EFCAB6: variants seen among roughly 807,000 people sequenced by gnomAD.
EFCAB6 encodes the protein EF-hand calcium binding domain 6, also known as EF-hand calcium-binding domain-containing protein 6.
Under a neutral mutation model 169.8 loss-of-function variants are expected in EFCAB6, and 156 were observed. The ratio of observed to expected loss-of-function variants is 0.92; its 90% CI spans 0.81 to 1.05. The LOEUF (loss-of-function observed/expected upper bound fraction) is 1.05, where lower values mean the gene tolerates loss of function less well. Ranked by LOEUF, EFCAB6 falls within the 50% of genes least tolerant of loss-of-function variation. The pLI is 0.00. For missense variants in EFCAB6, 1,800 were observed against 1,829.1 expected (o/e 0.98, Z 0.29); for synonymous variants, 698 against 676.4 (o/e 1.03, Z -0.50).
chr22:43,585,226 G>A (rs541205494), intron 24 of EFCAB6, among the ~76,000 whole-genome samples: 2 of 152,080 alleles, frequency 1.3e-5, no homozygotes, highest in South Asian at 4.2e-4. Context: ...TAGACAACAT[G>A]CAAGAACAAG....
chr22:43,717,374 A>T (rs1265578626), intron 8 of EFCAB6, among the ~76,000 whole-genome samples: 5 of 141,160 alleles, frequency 3.5e-5, no homozygotes, highest in Non-Finnish European at 1.6e-5. Context: ...TTTGTTTGGT[A>T]AAAAAAAAAA....
At position 43,687,477 on chromosome 22, in the gene EFCAB6, CT is replaced by C; in HGVS notation, c.1135del (p.Arg379GlufsTer30). 1.4e-6 allele frequency: 1 copy of C among 722,276 alleles called. No individual in the cohort carries two copies. The highest frequency in any genetic ancestry group is 3.6e-5 in the South Asian group (1 of 28,028). The allele number at this position is 722,276 out of a possible 1,614,324, so 44.7% of individuals were successfully genotyped here. On this transcript the variant is annotated frameshift_variant, in exon 11 of 32. Coordinates refer to ENST00000262726, the MANE Select transcript of EFCAB6 (RefSeq NM_022785.4). LOFTEE classifies it high-confidence loss of function. ...QVSSKGPLTK[R>X]NSINSRNESH... ...TTTTTTTTTTTTTACATACCTATTT[CT>C]TTTTGTCAGGGGACCTTTACTGCTA...
At chr22:43,721,475 G>A (rs1283486929) in intron 8 of EFCAB6, among the ~76,000 whole-genome samples, 1 of 152,092 alleles carries the variant, frequency 6.6e-6, no homozygotes, top group African/African-American at 2.4e-5. Flanking sequence ...GAAGGCATCA[G>A]TCTACCCAAC....
At chr22:43,533,924 T>A (rs1177501061) in intron 30 of EFCAB6, among the ~76,000 whole-genome samples, 1 of 152,190 alleles carries the variant, frequency 6.6e-6, no homozygotes, top group East Asian at 1.9e-4. Flanking sequence ...GTCCACCTTT[T>A]CTGTGAAGCT....
chr22:43,742,298 G>C (rs2060402627), intron 6 of EFCAB6, among the ~76,000 whole-genome samples: 1 of 152,120 alleles, frequency 6.6e-6, no homozygotes, highest in Non-Finnish European at 1.5e-5. Context: ...AATTGTATTG[G>C]CACACAGCCA....
At chr22:43,767,145 C>T (rs962104822) in intron 4 of EFCAB6, among the ~76,000 whole-genome samples, 5 of 152,246 alleles carry the variant, frequency 3.3e-5, no homozygotes, top group Non-Finnish European at 5.9e-5. Flanking sequence ...TGAATGGCTC[C>T]CAACTCTACA....
chr22:43,768,291 C>T (rs1462431138), intron 4 of EFCAB6, among the ~76,000 whole-genome samples: 1 of 152,248 alleles, frequency 6.6e-6, no homozygotes, highest in Non-Finnish European at 1.5e-5. Flanking sequence ...GACACTCAAA[C>T]ATTCCTGACA....
chr22:43,696,628 G>C (rs1333850708), intron 10 of EFCAB6, among the ~76,000 whole-genome samples: 1 of 152,124 alleles, frequency 6.6e-6, no homozygotes, highest in Non-Finnish European at 1.5e-5. Flanking sequence ...GAAAATTAAT[G>C]GGATGTTGAG....
chr22:43,646,822 G>A (rs755859530), intron 17 of EFCAB6, among the ~76,000 whole-genome samples: 50 of 152,190 alleles, frequency 3.3e-4, no homozygotes, highest in Non-Finnish European at 5.1e-4. Context: ...TCTACCCAAA[G>A]TTGGCAAACA....
intron 23 of EFCAB6, among the ~76,000 whole-genome samples, chr22:43,594,320 T>G (rs2147455545): frequency 6.6e-6 from 1 of 150,678 alleles, no homozygotes; most frequent in East Asian, 1.9e-4. Context: ...AGTAACTAGT[T>G]TTAAAATTTG....
intron 3 of EFCAB6, among the ~76,000 whole-genome samples, chr22:43,780,724 CCT>C (rs1029969511): frequency 4.6e-5 from 7 of 152,152 alleles, no homozygotes; most frequent in African/African-American, 1.4e-4. Flanking sequence ...GAAATAGACC[CCT>C]GAGTTTGGGT....
chr22:43,705,399 T>C (rs760644820), intron 10 of EFCAB6, among the ~76,000 whole-genome samples: 3 of 152,156 alleles, frequency 2.0e-5, no homozygotes, highest in Non-Finnish European at 4.4e-5. Flanking sequence ...TATAGAACAT[T>C]CTATCTCACA....
chr22:43,779,517 G>A (rs1003831923), intron 3 of EFCAB6, among the ~76,000 whole-genome samples: 1 of 152,042 alleles, frequency 6.6e-6, no homozygotes, highest in East Asian at 1.9e-4. Flanking sequence ...CGAGGTGGGC[G>A]GATCACAAGG....
chr22:43,599,842 T>C (rs931624362), intron 23 of EFCAB6, among the ~76,000 whole-genome samples: 6 of 152,156 alleles, frequency 3.9e-5, no homozygotes, highest in African/African-American at 1.4e-4. Context: ...CCATAAAATA[T>C]GATGAATGAT....
chr22:43,630,173 A>G (rs1466522652), intron 19 of EFCAB6, among the ~76,000 whole-genome samples: 5 of 152,142 alleles, frequency 3.3e-5, no homozygotes, highest in African/African-American at 1.2e-4. Flanking sequence ...CCATCCCATT[A>G]AAAAATTGAG....
Position 43,568,072 on chromosome 22 carries a change from TGAA to T in EFCAB6, c.3420+8222_3420+8224del, listed in dbSNP as rs370463173. Among the ~76,000 whole-genome samples the T allele has an allele frequency of 1.6e-3, 244 of 152,300 alleles. 5 individuals carry two copies. In the South Asian group the frequency reaches 0.048, roughly 30 times the overall value. On this transcript the variant is annotated intron_variant, in intron 26 of 31. Coordinates refer to ENST00000262726, the MANE Select transcript of EFCAB6 (RefSeq NM_022785.4). ...AGCAGTGAGCCAAAACCCCCACTCC[TGAA>T]GAAGCTCATGTTTTGAGACGCCCAC...
At chr22:43,547,891 A>C (rs1157474487) in intron 27 of EFCAB6, among the ~76,000 whole-genome samples, 1 of 152,106 alleles carries the variant, frequency 6.6e-6, no homozygotes, top group Non-Finnish European at 1.5e-5. Flanking sequence ...GGAGACTGAG[A>C]CCATCCTGGC....
intron 24 of EFCAB6, among the ~76,000 whole-genome samples, chr22:43,589,280 CAAAA>C (rs1163346832): frequency 2.1e-4 from 17 of 80,926 alleles, no homozygotes; most frequent in African/African-American, 1.0e-3. Context: ...GACTTCATGT[CAAAA>C]AAAAAAAAAA....
chr22:43,743,589 C>T (rs1208921481), intron 6 of EFCAB6, among the ~76,000 whole-genome samples: 1 of 152,208 alleles, frequency 6.6e-6, no homozygotes, highest in Non-Finnish European at 1.5e-5. Flanking sequence ...GTGCTTCACA[C>T]ACGGAACACG....
Sources: gnomAD v4.1 joint callset for allele counts (sites outside exome capture counted in the v4.1 genomes callset) on GRCh38, gnomAD v4.1.1 for gene constraint, MANE v1.5 for transcripts, NCBI Gene and HGNC (gene_info 2026-07-23, HGNC 2026-07-21) for gene names.